SUSD4: variants seen among roughly 807,000 people sequenced by gnomAD.
The protein encoded by SUSD4 is sushi domain containing 4, also known as sushi domain-containing protein 4.
In SUSD4, 41 loss-of-function variants were observed where a neutral mutation model predicts 50.5. That is an observed-to-expected ratio of 0.81 (90% CI 0.63 to 1.05). The LOEUF (loss-of-function observed/expected upper bound fraction) is 1.05, where lower values mean the gene tolerates loss of function less well. SUSD4 is among the 50% of genes least tolerant of loss of function. SUSD4 has a pLI of 0.00. For synonymous variants in SUSD4, 257 were observed against 257.3 expected, an observed-to-expected ratio of 1.00 and a Z score of 0.01; for missense variants, 580 against 634.7, an observed-to-expected ratio of 0.91 and a Z score of 0.93.
chr1:223,301,178 T>C (rs191251303), intron 2 of SUSD4, among the ~76,000 whole-genome samples: 1 of 152,218 alleles, frequency 6.6e-6, no homozygotes, highest in Non-Finnish European at 1.5e-5. Flanking sequence ...TGAGTCCTTA[T>C]ATCTGTTAAA....
At chr1:223,232,473 C>A (rs1659960491) in intron 5 of SUSD4, among the ~76,000 whole-genome samples, 1 of 152,336 alleles carries the variant, frequency 6.6e-6, no homozygotes, top group South Asian at 2.1e-4. Context: ...GCTCTCTAAA[C>A]AAGCCCCTGA....
chr1:223,309,079 T>G (rs551800259), intron 2 of SUSD4, among the ~76,000 whole-genome samples: 5 of 152,308 alleles, frequency 3.3e-5, no homozygotes, highest in African/African-American at 1.2e-4. Flanking sequence ...GAAAGAGAGT[T>G]GTTGTTTTTC....
intron 2 of SUSD4, among the ~76,000 whole-genome samples, chr1:223,319,722 C>T (rs893084686): frequency 2.6e-5 from 4 of 152,220 alleles, no homozygotes; most frequent in African/African-American, 9.6e-5. Context: ...CATGTTTCTT[C>T]TTGCTGAATT....
At chr1:223,292,042 C>A (rs1002673076) in intron 3 of SUSD4, among the ~76,000 whole-genome samples, 5 of 152,116 alleles carry the variant, frequency 3.3e-5, no homozygotes, top group African/African-American at 1.2e-4. Flanking sequence ...TGATTTAATC[C>A]TCTGAGTAAT....
intron 3 of SUSD4, among the ~76,000 whole-genome samples, chr1:223,286,274 C>T (rs1287214419): frequency 6.6e-6 from 1 of 152,200 alleles, no homozygotes; most frequent in Non-Finnish European, 1.5e-5. Context: ...TGCCACCACG[C>T]CTGGCTAATT....
intron 5 of SUSD4, among the ~76,000 whole-genome samples, chr1:223,257,115 G>A (rs951995621): frequency 6.6e-6 from 1 of 152,200 alleles, no homozygotes; most frequent in Non-Finnish European, 1.5e-5. Context: ...ATGTGCCGGG[G>A]CTAGGAGTGC....
At position 223,222,236 on chromosome 1, in the gene SUSD4, C is replaced by T. The variant is rs369179634; in HGVS notation, c.1445-16G>A. 65 of 1,612,758 alleles carry T rather than the reference C, an allele frequency of 4.0e-5. No homozygotes were observed. Among genetic ancestry groups the T allele is most frequent in the South Asian group, 7.7e-5 (7 of 90,788 alleles). On this transcript the variant is annotated splice_polypyrimidine_tract_variant and intron_variant, in intron 8 of 8. Transcript: ENST00000366878. ...AGAGGAATCTCTGTAAAAGAAGAGA[C>T]GGTTATTAGCTTAACATAACCAGAA...
chr1:223,364,204 C>A (rs1433778768), upstream of SUSD4: 1 of 151,164 alleles, frequency 6.6e-6, no homozygotes, highest in East Asian at 2.0e-4. The surrounding 1 kb of genome is among the most constrained non-coding windows in gnomAD (Gnocchi z 4.5). Flanking sequence ...CCAGCTCCCC[C>A]GCCCGCGCGC....
intron 4 of SUSD4, among the ~76,000 whole-genome samples, chr1:223,265,480 A>G (rs1187478342): frequency 1.3e-5 from 2 of 152,236 alleles, no homozygotes; most frequent in Non-Finnish European, 2.9e-5. Flanking sequence ...CTTCTGTTTC[A>G]GCAGGTCTGG....
At chr1:223,256,325 A>G (rs953374312) in intron 5 of SUSD4, among the ~76,000 whole-genome samples, 7 of 152,258 alleles carry the variant, frequency 4.6e-5, no homozygotes, top group African/African-American at 1.7e-4. Flanking sequence ...GCTGGTTTAG[A>G]ATCTTGGCTC....
chr1:223,230,695 C>T lies in SUSD4; in HGVS notation c.725-1307G>A, dbSNP rs1355960129. 4 of 135,494 alleles carry T rather than the reference C, an allele frequency of 3.0e-5. No individual in the cohort carries two copies. The East Asian group carries it at 9.2e-4, about 31-fold the overall frequency. 8.4% of individuals were successfully genotyped at this position (135,494 alleles called of 1,614,324 possible). ...CACTGTAGTGTAGATCTTGTTGGTT[C>T]TTTCAGAGAAGGGGAAACGGAAACT... On this transcript the variant is annotated intron_variant, in intron 5 of 8. Transcript: ENST00000366878.
intron 2 of SUSD4, among the ~76,000 whole-genome samples, chr1:223,293,377 T>G (rs1664620364): frequency 6.6e-6 from 1 of 152,214 alleles, no homozygotes. Flanking sequence ...CTGAATTACC[T>G]GCAGAACAGC....
intron 3 of SUSD4, among the ~76,000 whole-genome samples, chr1:223,281,277 CA>C (rs1214884879): frequency 1.3e-5 from 2 of 151,968 alleles, no homozygotes; most frequent in Non-Finnish European, 2.9e-5. Context: ...AAAAACCCTT[CA>C]AAAAATCAAT....
intron 2 of SUSD4, among the ~76,000 whole-genome samples, chr1:223,297,781 T>A (rs1664923661): frequency 6.6e-6 from 1 of 152,018 alleles, no homozygotes; most frequent in Admixed American, 6.6e-5. Context: ...AGGGAAAGAG[T>A]AGGTCTTATT....
At chr1:223,361,047 C>T (rs573006646) in intron 2 of SUSD4, among the ~76,000 whole-genome samples, 3 of 152,278 alleles carry the variant, frequency 2.0e-5, no homozygotes, top group Admixed American at 6.5e-5. Flanking sequence ...TTAGAAATGC[C>T]GAGTCTCAGG....
chr1:223,349,710 A>C (rs1320429627), intron 2 of SUSD4, among the ~76,000 whole-genome samples: 1 of 152,102 alleles, frequency 6.6e-6, no homozygotes, highest in Non-Finnish European at 1.5e-5. Context: ...TCTTCACCTA[A>C]TTGCCACTTC....
intron 2 of SUSD4, among the ~76,000 whole-genome samples, chr1:223,328,530 T>C (rs1419594224): frequency 6.6e-6 from 1 of 152,224 alleles, no homozygotes. Flanking sequence ...GGTACCTCTG[T>C]GTTTATTTTT....
chr1:223,276,379 G>A (rs373927206), intron 3 of SUSD4, among the ~76,000 whole-genome samples: 14 of 152,198 alleles, frequency 9.2e-5, no homozygotes, highest in Non-Finnish European at 1.3e-4. Flanking sequence ...CAGCACTCAC[G>A]TGTGCAAGAC....
At chr1:223,238,081 T>C (rs1660339598) in intron 5 of SUSD4, among the ~76,000 whole-genome samples, 1 of 152,024 alleles carries the variant, frequency 6.6e-6, no homozygotes, top group Non-Finnish European at 1.5e-5. Flanking sequence ...TGGCAGATTG[T>C]GTCTTTCAAG....
Sources: gnomAD v4.1 joint callset for allele counts (sites outside exome capture counted in the v4.1 genomes callset) on GRCh38, gnomAD v4.1.1 for gene constraint, Gnocchi (gnomAD v3.1) non-coding constraint, MANE v1.5 for transcripts, NCBI Gene and HGNC (gene_info 2026-07-23, HGNC 2026-07-21) for gene names.